MECR: variants seen among roughly 807,000 people sequenced by gnomAD.
MECR encodes enoyl-[acyl-carrier-protein] reductase, mitochondrial.
In MECR, 37 loss-of-function variants were observed where a neutral mutation model predicts 49.1. The observed-to-expected ratio is 0.75, with a 90% CI of 0.58 to 0.99. The LOEUF (loss-of-function observed/expected upper bound fraction) is 0.99, where lower values mean the gene tolerates loss of function less well. Among genes scored for constraint, MECR ranks in the 50% least tolerant of loss-of-function variants. The pLI is 0.00. For missense variants in MECR, 470 were observed against 479.6 expected (o/e 0.98, Z 0.19); for synonymous variants, 198 against 191.1 (o/e 1.04, Z -0.30).
At chr1:29,217,616 T>C (rs1412819149) in intron 1 of MECR, among the ~76,000 whole-genome samples, 1 of 152,160 alleles carries the variant, frequency 6.6e-6, no homozygotes, top group East Asian at 1.9e-4. Flanking sequence ...CCTGGTATGC[T>C]CATGGATATA....
downstream of MECR, among the ~76,000 whole-genome samples, chr1:29,191,310 A>T (rs1673124774): frequency 6.8e-6 from 1 of 147,480 alleles, no homozygotes; most frequent in Non-Finnish European, 1.5e-5. Context: ...GAAGAATCCT[A>T]TTTTTTTTTT....
the MECR span, chr1:29,181,861 G>GACGGACGCAGCCGAACCCCGGCGAC: frequency 2.2e-5 from 20 of 907,214 alleles, no homozygotes; most frequent in East Asian, 6.9e-4. Context: ...CGGGCGGCGG[G>GACGGACGCAGCCGAACCCCGGCGAC]ACGGACGCAG....
the MECR span, among the ~76,000 whole-genome samples, chr1:29,180,360 T>C: frequency 3.9e-5 from 6 of 152,238 alleles, no homozygotes; most frequent in African/African-American, 1.4e-4. Flanking sequence ...AAGGAGTAGT[T>C]TTTAAAGCCT....
At position 29,203,285 on chromosome 1, in the gene MECR, G is replaced by C. The variant is rs1306111165; in HGVS notation, c.551-52C>G. Reference sequence around the variant, plus strand: ...CAAGCCCTGTATAGATCTGCAATAGGTCAAAGGCTCCCAGCCGGGGATCCT... The same window carrying C: ...CAAGCCCTGTATAGATCTGCAATAGCTCAAAGGCTCCCAGCCGGGGATCCT... On this transcript the variant is annotated intron_variant, in intron 4 of 9. Transcript: ENST00000263702. 10 of 1,402,980 alleles carry C rather than the reference G, an allele frequency of 7.1e-6. 1 individual carries two copies. The highest frequency in any genetic ancestry group is 9.8e-6 in the Non-Finnish European group (10 of 1,020,548). The allele number at this position is 1,402,980 out of a possible 1,614,324, so 86.9% of individuals were successfully genotyped here. A position where few individuals can be genotyped will look rare whatever the true frequency, so the allele number is the denominator to read the frequency against.
rs1676731878 is a variant in MECR at position 29,206,897 on chromosome 1, G to C, written c.415C>G (p.Arg139Gly). 1 of 1,613,980 alleles carries C rather than the reference G, an allele frequency of 6.2e-7. No individual in the cohort carries two copies. The highest frequency in any genetic ancestry group is 1.1e-5 in the South Asian group (1 of 91,064). ...IPANAGLGTW[R>G]TEAVFSEEAL... ...TCCTCGCTGAACACAGCCTCGGTCC[G>C]CCAGGTTCCTGAGTCAGAAGATGAA... Residue 139 changes from arginine (R) to glycine (G), a missense_variant, in exon 4 of 10, where the codon CGG becomes GGG. Transcript: ENST00000263702.
rs1057519286 is a variant in MECR, at chr1:29,196,234, A to C, written c.855T>G (p.Tyr285Ter). ...CGACGGGCTGCTTGGCCATCCCCCC[A>C]TAGGTTACCATGGTTCCTCCACGCC... ...QLARGGTMVT[Y>*]GGMAKQPVVA... is the part of the protein sequence containing the mutation. Residue 285 changes from tyrosine to a stop codon, truncating the protein, a stop_gained, in exon 8 of 10, where the codon TAT becomes TAG. Transcript: ENST00000263702. LOFTEE classifies it high-confidence loss of function. 1.9e-6 allele frequency: 3 copies of C among 1,613,602 alleles called. No homozygotes were observed. The highest frequency in any genetic ancestry group is 2.5e-6 in the Non-Finnish European group (3 of 1,179,658).
At chr1:29,183,737 A>G in the MECR span, among the ~76,000 whole-genome samples, 5 of 152,246 alleles carry the variant, frequency 3.3e-5, no homozygotes, top group African/African-American at 9.6e-5. Context: ...TGAGTTGCAA[A>G]TATTTTTTCC....
At chr1:29,195,224 G>A (rs1178242076) in intron 9 of MECR, among the ~76,000 whole-genome samples, 2 of 152,180 alleles carry the variant, frequency 1.3e-5, no homozygotes, top group Non-Finnish European at 2.9e-5. Context: ...CAATTTTCCA[G>A]CCCCAGCTCA....
chr1:29,226,168 A>G (rs920939793), intron 1 of MECR, among the ~76,000 whole-genome samples: 2 of 6,072 alleles, frequency 3.3e-4, no homozygotes, highest in East Asian at 2.1e-3. Context: ...GGCTCTATCT[A>G]AAAAAAAAAA....
chr1:29,216,463 G>A (rs988603093), intron 2 of MECR, 125 bp downstream of exon 2: 74 of 1,002,884 alleles, frequency 7.4e-5, no homozygotes, highest in Admixed American at 1.1e-4. Context: ...GCCTGCAGAC[G>A]GCTCATCTGG....
the MECR span, among the ~76,000 whole-genome samples, chr1:29,180,825 CAAGT>C: frequency 6.6e-6 from 1 of 152,180 alleles, no homozygotes; most frequent in Non-Finnish European, 1.5e-5. Context: ...ATTAAGAATA[CAAGT>C]AATAGATCAT....
At chr1:29,230,025 A>T (rs1237076686) in intron 1 of MECR, among the ~76,000 whole-genome samples, 7 of 152,360 alleles carry the variant, frequency 4.6e-5, no homozygotes, top group Non-Finnish European at 4.4e-5. Flanking sequence ...CCTGTATTTG[A>T]CCAAATATAG....
the MECR span, among the ~76,000 whole-genome samples, chr1:29,181,220 G>A: frequency 6.6e-6 from 1 of 152,230 alleles, no homozygotes; most frequent in African/African-American, 2.4e-5. Context: ...ATGAGACCGG[G>A]CAAGAGGTGA....
At chr1:29,200,968 G>GT (rs769436800) in intron 6 of MECR, among the ~76,000 whole-genome samples, 4 of 151,900 alleles carry the variant, frequency 2.6e-5, no homozygotes, top group African/African-American at 7.3e-5. Flanking sequence ...AAAAAAAAAT[G>GT]TTTTTTTGTA....
Position 29,193,731 on chromosome 1 carries a change from T to G in MECR, c.*291A>C. On this transcript the variant is annotated 3_prime_UTR_variant, in exon 10 of 10. Coordinates refer to ENST00000263702, the MANE Select transcript of MECR (RefSeq NM_016011.5). ...AGAAAATGATTACTGGGGGAACACA[T>G]GACAGAAAAGCAGGAAGGGGGCCTC... 1 of 335,658 alleles carries G rather than the reference T, an allele frequency of 3.0e-6. No individual in the cohort carries two copies. The highest frequency in any genetic ancestry group is 3.9e-5 in the South Asian group (1 of 25,868). 20.8% of individuals were successfully genotyped at this position (335,658 alleles called of 1,614,324 possible).
the MECR span, among the ~76,000 whole-genome samples, chr1:29,176,904 A>C: frequency 1.3e-5 from 2 of 152,240 alleles, no homozygotes; most frequent in Admixed American, 6.5e-5. Context: ...TTCCCTTGAG[A>C]GTTTTAATTC....
the MECR span, among the ~76,000 whole-genome samples, chr1:29,183,880 C>CTT: frequency 2.8e-4 from 35 of 125,708 alleles, no homozygotes; most frequent in South Asian, 1.4e-3. Context: ...ATTTATTCTA[C>CTT]TTTTTTTTTT....
At chr1:29,181,889 A>ACGCGAGCACGCAGCT in the MECR span, 1 of 576,366 alleles carries the variant, frequency 1.7e-6, no homozygotes, top group Non-Finnish European at 2.6e-6. Flanking sequence ...CCGGCGACGT[A>ACGCGAGCACGCAGCT]CGCGAGCACG....
chr1:29,169,269 A>C, the MECR span: 3 of 152,194 alleles, frequency 2.0e-5, no homozygotes, highest in South Asian at 6.2e-4. Context: ...CACCCAGCTA[A>C]CCTAAAACCT....
Sources: gnomAD v4.1 joint callset for allele counts (sites outside exome capture counted in the v4.1 genomes callset) on GRCh38, gnomAD v4.1.1 for gene constraint, MANE v1.5 for transcripts, NCBI Gene and HGNC (gene_info 2026-07-23, HGNC 2026-07-21) for gene names.